Variants in FRMD6 observed in about 807,000 individuals in gnomAD.
The protein encoded by FRMD6 is FERM domain-containing protein 6.
Under a neutral mutation model 73.2 loss-of-function variants are expected in FRMD6, and 37 were observed. The observed-to-expected ratio is 0.51, with a 90% CI of 0.39 to 0.66. The LOEUF (loss-of-function observed/expected upper bound fraction) is 0.66, where lower values mean the gene tolerates loss of function less well. Among genes scored for constraint, FRMD6 ranks in the 30% least tolerant of loss-of-function variants. The probability of loss-of-function intolerance (pLI) is 0.00; values close to 1 mark genes in which losing one functional copy is unlikely to be tolerated. For synonymous variants in FRMD6, 273 were observed against 282.2 expected (o/e 0.97, Z 0.33); for missense variants, 714 against 780.5 (o/e 0.91, Z 1.02).
At chr14:51,472,305 A>G in the FRMD6 span, among the ~76,000 whole-genome samples, 1 of 151,614 alleles carries the variant, frequency 6.6e-6, no homozygotes, top group East Asian at 1.9e-4. Flanking sequence ...TTATTATTAT[A>G]ATAATAATTA....
At chr14:51,570,359 G>GC (rs1230131662) in exon 2 of FRMD6, 1 of 151,926 alleles carries the variant, frequency 6.6e-6, no homozygotes, top group Non-Finnish European at 1.5e-5. Context: ...CTTCATATCT[G>GC]TTTTTTTCTT....
the FRMD6 span, among the ~76,000 whole-genome samples, chr14:51,470,315 C>T: frequency 6.6e-5 from 10 of 152,184 alleles, no homozygotes; most frequent in Non-Finnish European, 1.2e-4. Flanking sequence ...TCGAGAGTTC[C>T]AAACAAGGCT....
At chr14:51,546,425 T>C (rs1886468532) in intron 1 of FRMD6, among the ~76,000 whole-genome samples, 1 of 149,370 alleles carries the variant, frequency 6.7e-6, no homozygotes, top group South Asian at 2.1e-4. Context: ...AAATAGTTCC[T>C]GTAAAATTCC....
intron 7 of FRMD6, among the ~76,000 whole-genome samples, chr14:51,708,862 G>A (rs1186956384): frequency 6.6e-6 from 1 of 152,110 alleles, no homozygotes; most frequent in African/African-American, 2.4e-5. Flanking sequence ...GATAACATAG[G>A]CTGTGAGCCT....
At chr14:51,450,594 C>T in the FRMD6 span, among the ~76,000 whole-genome samples, 2 of 152,132 alleles carry the variant, frequency 1.3e-5, no homozygotes, top group African/African-American at 4.8e-5. Flanking sequence ...ATGAGGTCAG[C>T]TACCACACAA....
intron 2 of FRMD6, among the ~76,000 whole-genome samples, chr14:51,644,272 T>C (rs936326494): frequency 6.6e-6 from 1 of 152,094 alleles, no homozygotes; most frequent in African/African-American, 2.4e-5. Context: ...ACCTGAGATA[T>C]CCGGCCCAGA....
intron 2 of FRMD6, among the ~76,000 whole-genome samples, chr14:51,696,633 T>G (rs1895956380): frequency 2.0e-5 from 3 of 151,630 alleles, no homozygotes; most frequent in Non-Finnish European, 4.4e-5. Flanking sequence ...CTAGGCAGGC[T>G]GGGCATGGTG....
At chr14:51,495,785 T>C (rs568104942) in intron 1 of FRMD6, among the ~76,000 whole-genome samples, 15 of 152,140 alleles carry the variant, frequency 9.9e-5, no homozygotes, top group African/African-American at 3.6e-4. Context: ...ATGGGACAAA[T>C]TGAGAAGGAA....
intron 1 of FRMD6, among the ~76,000 whole-genome samples, chr14:51,558,696 A>G (rs533300360): frequency 3.9e-5 from 6 of 152,176 alleles, no homozygotes; most frequent in Non-Finnish European, 8.8e-5. Flanking sequence ...GACCACCCTT[A>G]TGAATATCAG....
rs150863089 is a variant in FRMD6, at chr14:51,534,406, GA to G, written c.-209-35941del. Among the ~76,000 whole-genome samples, 50 of 152,306 alleles carry G rather than the reference GA, an allele frequency of 3.3e-4. 1 individual carries two copies. In the East Asian group the frequency reaches 8.5e-3, roughly 26 times the overall value. On this transcript the variant is annotated intron_variant, in intron 1 of 14. Coordinates refer to the FRMD6 transcript ENST00000356218. ...GATTGAGTTGTTTCTTATGATGGTTGATTTTTTTATTGGACAAGGGCTTAGA... is the reference window on the plus strand; with the variant it reads ...GATTGAGTTGTTTCTTATGATGGTTGTTTTTTTATTGGACAAGGGCTTAGA...
At chr14:51,511,397 A>C (rs916102153) in intron 1 of FRMD6, among the ~76,000 whole-genome samples, 2 of 152,236 alleles carry the variant, frequency 1.3e-5, no homozygotes, top group Non-Finnish European at 2.9e-5. Context: ...ATTCAGGGCA[A>C]AGTGATGTAT....
chr14:51,672,330 T>A (rs1260024053), intron 1 of FRMD6, among the ~76,000 whole-genome samples: 1 of 152,196 alleles, frequency 6.6e-6, no homozygotes. Context: ...AGAGTTTTTC[T>A]CCACCACAAC....
chr14:51,398,884 T>G, the FRMD6 span, among the ~76,000 whole-genome samples: 1 of 152,164 alleles, frequency 6.6e-6, no homozygotes, highest in East Asian at 1.9e-4. Context: ...TGCTCACTCC[T>G]TGGCTCAAAA....
chr14:51,545,866 A>G (rs1886439467), intron 1 of FRMD6, among the ~76,000 whole-genome samples: 1 of 152,158 alleles, frequency 6.6e-6, no homozygotes, highest in South Asian at 2.1e-4. Flanking sequence ...ATGTTCGGGC[A>G]TAGGAAAAAA....
chr14:51,657,524 T>C (rs1276966176), intron 1 of FRMD6, among the ~76,000 whole-genome samples: 1 of 152,332 alleles, frequency 6.6e-6, no homozygotes, highest in Admixed American at 6.5e-5. Flanking sequence ...TATATCCAAA[T>C]TGATGTAGGT....
chr14:51,514,576 C>T (rs150718173), intron 1 of FRMD6, among the ~76,000 whole-genome samples: 3,372 of 152,184 alleles, frequency 0.022, 58 homozygotes, highest in Middle Eastern at 0.044. Flanking sequence ...GGCCAGGTGC[C>T]GTGGCTCGTG....
At position 51,729,592 on chromosome 14, in the gene FRMD6, TAAAA is replaced by T. The variant is rs878903573; in HGVS notation, c.*1567_*1570del. On this transcript the variant is annotated 3_prime_UTR_variant, in exon 14 of 14. Coordinates refer to ENST00000344768, the MANE Select transcript of FRMD6 (RefSeq NM_001267046.2). ...TTTTTTTCTATCTGCCCAGTTTTAT[TAAAA>T]AAACTATATATTATTTTCTAAAGAA... 6.6e-6 allele frequency: 1 copy of T among 152,632 alleles called. No individual in the cohort carries two copies. Among genetic ancestry groups the T allele is most frequent in the Non-Finnish European group, 1.5e-5 (1 of 68,040 alleles). The allele number at this position is 152,632 out of a possible 1,614,324, so 9.5% of individuals were successfully genotyped here.
the FRMD6 span, among the ~76,000 whole-genome samples, chr14:51,473,008 A>T: frequency 6.6e-6 from 1 of 152,216 alleles, no homozygotes; most frequent in Admixed American, 6.5e-5. Flanking sequence ...AGTTTGGGAA[A>T]TAATTTTCAA....
chr14:51,455,292 A>G, the FRMD6 span, among the ~76,000 whole-genome samples: 17 of 152,348 alleles, frequency 1.1e-4, no homozygotes, highest in Non-Finnish European at 2.5e-4. Context: ...TTTTCCATAG[A>G]ACACAGTTTG....
Sources: gnomAD v4.1 joint callset for allele counts (sites outside exome capture counted in the v4.1 genomes callset) on GRCh38, gnomAD v4.1.1 for gene constraint, MANE v1.5 for transcripts, NCBI Gene and HGNC (gene_info 2026-07-23, HGNC 2026-07-21) for gene names.